CAST: variants seen among roughly 807,000 people sequenced by gnomAD.
CAST encodes the protein calpastatin.
A neutral mutation model predicts 119.6 loss-of-function variants in CAST; 76 were observed. That is an observed-to-expected ratio of 0.64 (90% confidence interval 0.53 to 0.77). The LOEUF is 0.77. Among genes scored for constraint, CAST ranks in the 30% least tolerant of loss-of-function variants. The probability of loss-of-function intolerance (pLI) is 0.00; values close to 1 mark genes in which losing one functional copy is unlikely to be tolerated. For missense variants in CAST, 953 were observed against 946.5 expected (o/e 1.01, Z -0.09); for synonymous variants, 319 against 331.6 (o/e 0.96, Z 0.41).
the CAST span, among the ~76,000 whole-genome samples, chr5:96,448,315 A>G: frequency 6.6e-6 from 1 of 152,230 alleles, no homozygotes; most frequent in South Asian, 2.1e-4. Flanking sequence ...GTGATGCTAG[A>G]TTTAAAGGAT....
chr5:96,629,197 G>C (rs1056991704), intron 1 of CAST, among the ~76,000 whole-genome samples: 5 of 152,198 alleles, frequency 3.3e-5, no homozygotes, highest in East Asian at 3.8e-4. Flanking sequence ...GATATAAAGC[G>C]AGTCCAGCCT....
Position 96,607,282 on chromosome 5 carries a change from C to T in CAST, c.61-68257C>T, listed in dbSNP as rs189557205. Among the ~76,000 whole-genome samples the T allele has an allele frequency of 7.0e-3, 1,067 of 152,048 alleles. 11 individuals are homozygous for T. The highest frequency in any genetic ancestry group is 0.014 in the African/African-American group (598 of 41,470). ...CAGCCTGGGCGACAGAGCGGGACTC[C>T]GTCTCAAAAAACAAAAAAACAGAAC... is the stretch of plus-strand genomic sequence containing the variant. On this transcript the variant is annotated intron_variant, in intron 1 of 11. Coordinates refer to the CAST transcript ENST00000505143.
At chr5:96,218,982 A>G in the CAST span, among the ~76,000 whole-genome samples, 1 of 152,116 alleles carries the variant, frequency 6.6e-6, no homozygotes, top group African/African-American at 2.4e-5. Flanking sequence ...TGAAAAGTGG[A>G]GATATTAGGT....
chr5:96,184,781 G>C, the CAST span, among the ~76,000 whole-genome samples: 1 of 152,120 alleles, frequency 6.6e-6, no homozygotes, highest in Non-Finnish European at 1.5e-5. Context: ...TTGATTCCAT[G>C]CCTTTGCTAT....
the CAST span, among the ~76,000 whole-genome samples, chr5:96,377,115 C>T: frequency 2.0e-5 from 3 of 151,898 alleles, no homozygotes; most frequent in East Asian, 5.8e-4. Flanking sequence ...TTTAAGCCAA[C>T]TTATTACAAA....
At chr5:96,607,800 GC>G in intron 1 of CAST, among the ~76,000 whole-genome samples, 1 of 152,212 alleles carries the variant, frequency 6.6e-6, no homozygotes, top group East Asian at 1.9e-4. Context: ...GAATAGGTGG[GC>G]CTTTTTTTCT....
the CAST span, among the ~76,000 whole-genome samples, chr5:96,131,862 A>G: frequency 6.6e-6 from 1 of 152,190 alleles, no homozygotes; most frequent in South Asian, 2.1e-4. Flanking sequence ...ACCCAAAACA[A>G]GAAATTCGAT....
rs749417756 is a variant in CAST at position 96,729,674 on chromosome 5, A to C, written c.498A>C (p.Ala166=). 8.1e-6 allele frequency: 13 copies of C among 1,602,990 alleles called. No homozygotes were observed. Among genetic ancestry groups the C allele is most frequent in the Non-Finnish European group, 1.1e-5 (13 of 1,169,990 alleles). The change falls in exon 8 of 32, where the codon GCA becomes GCC. Residue 166 remains alanine (A), a synonymous_variant. Transcript: ENST00000675179. ...TGSNDAHNKK[A]VSRSAEQQPS... Reference sequence around the variant, plus strand: ...GTAACGATGCTCACAATAAAAAAGCAGTTTCCAGATCAGCTGAACAGCAGC... The same window carrying C: ...GTAACGATGCTCACAATAAAAAAGCCGTTTCCAGATCAGCTGAACAGCAGC...
At chr5:96,293,884 C>T in the CAST span, among the ~76,000 whole-genome samples, 1 of 151,892 alleles carries the variant, frequency 6.6e-6, no homozygotes, top group Non-Finnish European at 1.5e-5. Flanking sequence ...CTCAGCCTCC[C>T]GAGTAGCTGG....
At position 96,750,643 on chromosome 5, in the gene CAST, G is replaced by A. The variant is rs1295859552; in HGVS notation, c.1485G>A (p.Met495Ile). The A allele has an allele frequency of 2.5e-6, 4 of 1,613,518 alleles. No homozygotes were observed. In the African/African-American group the frequency reaches 5.3e-5, roughly 22 times the overall value. Residue 495 changes from methionine to isoleucine, a missense_variant, in exon 20 of 32, where the codon ATG (methionine) becomes ATA (isoleucine). Physicochemically the swap from Met to Ile is conservative, Grantham distance 10. Coordinates refer to ENST00000675179, the MANE Select transcript of CAST (RefSeq NM_001750.7). ...CGGAGGCTGTGTGTCGGACCTCCAT[G>A]TGTAGTATACAGTCAGCACCCCCTG... ...PVSEAVCRTS[M>I]CSIQSAPPEP...
At chr5:96,174,414 G>T in the CAST span, among the ~76,000 whole-genome samples, 1 of 152,206 alleles carries the variant, frequency 6.6e-6, no homozygotes, top group African/African-American at 2.4e-5. Context: ...TGCGCTGGGC[G>T]CTGCAATCAT....
At chr5:96,701,030 G>A (rs1753825523) in intron 3 of CAST, among the ~76,000 whole-genome samples, 1 of 151,900 alleles carries the variant, frequency 6.6e-6, no homozygotes, top group Non-Finnish European at 1.5e-5. Flanking sequence ...AGGTTCAAGC[G>A]ATAATCCTGC....
At chr5:96,337,306 A>AG in the CAST span, among the ~76,000 whole-genome samples, 266 of 152,240 alleles carry the variant, frequency 1.7e-3, no homozygotes, top group African/African-American at 6.3e-3. Context: ...CAATCAAGAG[A>AG]GAAAAAAAAG....
chr5:96,270,030 AGATCATTTATCGT>A, the CAST span, among the ~76,000 whole-genome samples: 4 of 152,354 alleles, frequency 2.6e-5, no homozygotes, highest in African/African-American at 9.6e-5. Context: ...CACATTAAAA[AGATCATTTATCGT>A]GATCAAGTAG....
chr5:96,100,460 C>T, the CAST span, among the ~76,000 whole-genome samples: 1 of 152,218 alleles, frequency 6.6e-6, no homozygotes. Context: ...CTTGCCCCTT[C>T]TTGCCTATGG....
intron 1 of CAST, among the ~76,000 whole-genome samples, chr5:96,555,841 C>G (rs981910868): frequency 6.6e-6 from 1 of 152,220 alleles, no homozygotes; most frequent in Non-Finnish European, 1.5e-5. Flanking sequence ...CCTCTGCAGA[C>G]TTAAATGTCC....
At chr5:96,074,708 A>G in the CAST span, among the ~76,000 whole-genome samples, 8 of 152,306 alleles carry the variant, frequency 5.3e-5, no homozygotes, top group Admixed American at 6.5e-5. Context: ...CTTGGCTCTG[A>G]GATGGGGAAG....
the CAST span, among the ~76,000 whole-genome samples, chr5:96,415,788 C>T: frequency 6.1e-5 from 8 of 130,112 alleles, no homozygotes; most frequent in African/African-American, 2.0e-4. Flanking sequence ...GGTTCAAATG[C>T]TATTCAACAT....
chr5:96,219,168 T>C, the CAST span, among the ~76,000 whole-genome samples: 4 of 152,200 alleles, frequency 2.6e-5, no homozygotes, highest in Non-Finnish European at 5.9e-5. Context: ...TCATGACAGA[T>C]ATATAATGTC....
Sources: gnomAD v4.1 joint callset for allele counts (sites outside exome capture counted in the v4.1 genomes callset) on GRCh38, gnomAD v4.1.1 for gene constraint, MANE v1.5 for transcripts, NCBI Gene and HGNC (gene_info 2026-07-23, HGNC 2026-07-21) for gene names.